L3MBTL3: variants seen among roughly 807,000 people sequenced by gnomAD.
L3MBTL3 encodes the protein L3MBTL histone methyl-lysine binding protein 3.
L3MBTL3 carries 27 observed loss-of-function variants against 102.3 expected under a neutral mutation model. That is an observed-to-expected ratio of 0.26 (90% CI 0.19 to 0.36). The LOEUF is 0.36. Among genes scored for constraint, L3MBTL3 ranks in the 10% least tolerant of loss-of-function variants. The pLI, the probability that L3MBTL3 is intolerant of heterozygous loss-of-function variation, is 1.00. For synonymous variants in L3MBTL3, 340 were observed against 320.9 expected (o/e 1.06, Z -0.64); for missense variants, 798 against 955.3 (o/e 0.84, Z 2.17).
intron 1 of L3MBTL3, among the ~76,000 whole-genome samples, chr6:130,019,124 G>A (rs1778751323): frequency 6.6e-6 from 1 of 151,956 alleles, no homozygotes; most frequent in Admixed American, 6.5e-5. Flanking sequence ...CTGGCGCGCA[G>A]GCGGCGGGAT....
chr6:130,051,031 A>T (rs926833735), intron 5 of L3MBTL3, among the ~76,000 whole-genome samples: 5 of 152,210 alleles, frequency 3.3e-5, no homozygotes, highest in African/African-American at 1.2e-4. Context: ...GCAAGCTTTT[A>T]TCCTTTCTGC....
At chr6:130,104,334 A>T in intron 18 of L3MBTL3, 92 bp from the exon 19 acceptor site, 1 of 883,912 alleles carries the variant, frequency 1.1e-6, no homozygotes, top group Non-Finnish European at 1.6e-6. Flanking sequence ...TTAGAATTTT[A>T]TATTCTGTAT....
rs1345728284 is a variant in L3MBTL3, at chr6:130,051,142, A to G, written c.290-107A>G. ...ATCATTCATTCATTCAGCAAACACT[A>G]TTCTTTATTGTGTTGCTAACAAAAT... On this transcript the variant is annotated intron_variant, in intron 5 of 22. Coordinates refer to ENST00000361794, the MANE Select transcript of L3MBTL3 (RefSeq NM_032438.4). The G allele has an allele frequency of 1.7e-5, 15 of 875,820 alleles. No individual in the cohort carries two copies. In the Admixed American group the frequency reaches 1.8e-4, roughly 10 times the overall value. 54.3% of individuals were successfully genotyped at this position (875,820 alleles called of 1,614,324 possible). A position where few individuals can be genotyped will look rare whatever the true frequency, so the allele number is the denominator to read the frequency against.
chr6:130,085,960 C>A (rs537057311), intron 15 of L3MBTL3, among the ~76,000 whole-genome samples, 180 bp from the exon 16 acceptor site: 1 of 152,194 alleles, frequency 6.6e-6, no homozygotes, highest in South Asian at 2.1e-4. Flanking sequence ...GCCATGTTGG[C>A]CAGGCTGGTC....
chr6:130,057,972 T>C (rs1011130379), intron 9 of L3MBTL3, among the ~76,000 whole-genome samples: 1 of 151,054 alleles, frequency 6.6e-6, no homozygotes, highest in African/African-American at 2.4e-5. Flanking sequence ...TGAAACCCCG[T>C]CTCTACTAAA....
chr6:130,126,144 A>C (rs985475465), intron 20 of L3MBTL3, among the ~76,000 whole-genome samples: 6 of 131,236 alleles, frequency 4.6e-5, no homozygotes, highest in African/African-American at 1.8e-4. Flanking sequence ...TGTCTTCTCT[A>C]CCTGAATAAG....
chr6:130,137,197 T>C (rs1410456385), intron 22 of L3MBTL3, among the ~76,000 whole-genome samples: 1 of 152,172 alleles, frequency 6.6e-6, no homozygotes, highest in Non-Finnish European at 1.5e-5. Context: ...AGTTAAGGCA[T>C]TGGAAAAGAA....
intron 10 of L3MBTL3, among the ~76,000 whole-genome samples, chr6:130,062,414 C>T (rs544104002): frequency 1.3e-5 from 2 of 151,656 alleles, no homozygotes; most frequent in South Asian, 2.1e-4. Flanking sequence ...AGACAGGGTC[C>T]GTCTCTGTAA....
At chr6:130,055,691 CCTCTCTCTTTCTCT>C (rs1781455785) in intron 8 of L3MBTL3, among the ~76,000 whole-genome samples, 1 of 127,374 alleles carries the variant, frequency 7.9e-6, no homozygotes, top group Non-Finnish European at 1.6e-5. Context: ...TCCCTCTCTC[CCTCTCTCTTTCTCT>C]CTCTCTCTCT....
chr6:130,112,101 C>A (rs1431637513), intron 19 of L3MBTL3, among the ~76,000 whole-genome samples: 1 of 152,196 alleles, frequency 6.6e-6, no homozygotes, highest in Non-Finnish European at 1.5e-5. Context: ...CTCAGGGAAG[C>A]TTTATCTGAT....
chr6:130,048,556 T>A (rs1269426780), intron 3 of L3MBTL3, among the ~76,000 whole-genome samples: 1 of 152,234 alleles, frequency 6.6e-6, no homozygotes, highest in African/African-American at 2.4e-5. Flanking sequence ...TGGAATGGAA[T>A]GTCCATGAAA....
At chr6:130,037,824 A>T (rs1331004669) in intron 2 of L3MBTL3, among the ~76,000 whole-genome samples, 3 of 152,136 alleles carry the variant, frequency 2.0e-5, no homozygotes, top group African/African-American at 7.2e-5. Context: ...AATATACAGT[A>T]AATTATTTTT....
intron 14 of L3MBTL3, 41 bp downstream of exon 14, chr6:130,078,675 TCAAGAGTAGGC>T (rs1312203820): frequency 2.2e-6 from 3 of 1,346,450 alleles, no homozygotes; most frequent in Non-Finnish European, 3.2e-6. Context: ...TTCGTAGACT[TCAAGAGTAGGC>T]AGACTTTTTC....
chr6:130,139,732 G>A lies in L3MBTL3; in HGVS notation c.2322G>A (p.Lys774=). The part of the protein sequence containing the change: ...NSILMFKAAE[K]NSHNEL Reference sequence around the variant, plus strand: ...TCCTGATGTTCAAAGCTGCAGAGAAGAATTCTCACAATGAACTTTGAAGAT... The same window carrying A: ...TCCTGATGTTCAAAGCTGCAGAGAAAAATTCTCACAATGAACTTTGAAGAT... Residue 774 remains lysine (K), a synonymous_variant, in exon 23 of 23, where the codon AAG becomes AAA. Coordinates refer to ENST00000361794, the MANE Select transcript of L3MBTL3 (RefSeq NM_032438.4). 1.9e-6 allele frequency: 3 copies of A among 1,613,268 alleles called. No homozygotes were observed. Among genetic ancestry groups the A allele is most frequent in the Non-Finnish European group, 2.5e-6 (3 of 1,179,690 alleles).
chr6:130,047,386 T>C (rs1273219374), intron 3 of L3MBTL3, among the ~76,000 whole-genome samples: 2 of 152,224 alleles, frequency 1.3e-5, no homozygotes, highest in Non-Finnish European at 2.9e-5. Context: ...CCTTTTAACT[T>C]TGAAAGTATT....
intron 18 of L3MBTL3, among the ~76,000 whole-genome samples, chr6:130,101,295 G>A (rs758395677): frequency 6.6e-6 from 1 of 152,098 alleles, no homozygotes; most frequent in South Asian, 2.1e-4. Context: ...GTGGAGGGGC[G>A]TGATTTGTTA....
At position 130,056,482 on chromosome 6, in the gene L3MBTL3, C is replaced by T. The variant is rs541691500; in HGVS notation, c.668-924C>T. On this transcript the variant is annotated intron_variant, in intron 8 of 22. Transcript: ENST00000361794. Reference sequence around the variant, plus strand: ...GGGCCATGAACCAGGTGCTTCTCCTCAGTGCCGGGGTGCATTCTAGCCTTG... The same window carrying T: ...GGGCCATGAACCAGGTGCTTCTCCTTAGTGCCGGGGTGCATTCTAGCCTTG... 2.6e-5 allele frequency among the ~76,000 whole-genome samples: 4 copies of T among 152,304 alleles called. No individual in the cohort carries two copies. The South Asian group carries it at 8.3e-4, about 32-fold the overall frequency.
At chr6:130,029,864 G>T (rs1411864912) in intron 2 of L3MBTL3, among the ~76,000 whole-genome samples, 1 of 152,060 alleles carries the variant, frequency 6.6e-6, no homozygotes, top group African/African-American at 2.4e-5. Context: ...CTGTCACCCA[G>T]GCTGGAGTGC....
intron 19 of L3MBTL3, among the ~76,000 whole-genome samples, chr6:130,114,214 A>G (rs950052755): frequency 6.6e-6 from 1 of 152,210 alleles, no homozygotes; most frequent in African/African-American, 2.4e-5. Context: ...AAACACTCAC[A>G]GTTCTGATGC....
Sources: allele counts gnomAD v4.1 joint callset (sites outside exome capture counted in the v4.1 genomes callset), GRCh38; gene constraint gnomAD v4.1.1; transcripts MANE v1.5; gene names NCBI Gene and HGNC (gene_info 2026-07-23, HGNC 2026-07-21).